Variants in CHD1L observed in about 807,000 individuals in gnomAD.
CHD1L encodes the protein ATP-dependent chromatin remodeler CHD1L.
CHD1L carries 118 observed loss-of-function variants against 115.9 expected under a neutral mutation model. The ratio of observed to expected loss-of-function variants is 1.02; its 90% CI spans 0.88 to 1.19. The LOEUF (loss-of-function observed/expected upper bound fraction) is 1.19. Ranked by LOEUF, CHD1L falls within the 50% of genes most tolerant of loss-of-function variation. The pLI, the probability that CHD1L is intolerant of heterozygous loss-of-function variation, is 0.00. For missense variants in CHD1L, 1,179 were observed against 1,065.3 expected, an observed-to-expected ratio of 1.11 and a Z score of -1.49; for synonymous variants, 411 against 387.1, an observed-to-expected ratio of 1.06 and a Z score of -0.72.
upstream of CHD1L, among the ~76,000 whole-genome samples, chr1:147,242,421 G>A (rs1397277123): frequency 6.6e-6 from 1 of 152,196 alleles, no homozygotes; most frequent in Non-Finnish European, 1.5e-5. Context: ...CTCCTTGACG[G>A]GCAGTTCAGG....
chr1:147,274,952 G>A (rs1322492948), intron 12 of CHD1L, among the ~76,000 whole-genome samples: 1 of 152,172 alleles, frequency 6.6e-6, no homozygotes, highest in Non-Finnish European at 1.5e-5. Flanking sequence ...TCTCTTGACA[G>A]TGCGCACTGC....
the CHD1L span, among the ~76,000 whole-genome samples, chr1:147,187,772 T>G: frequency 6.6e-6 from 1 of 152,114 alleles, no homozygotes; most frequent in Non-Finnish European, 1.5e-5. Flanking sequence ...GCCCTCCAAA[T>G]GGAGACAAAT....
the CHD1L span, among the ~76,000 whole-genome samples, chr1:147,237,075 G>A: frequency 1.3e-5 from 2 of 152,186 alleles, no homozygotes; most frequent in Non-Finnish European, 2.9e-5. Flanking sequence ...CTCCCATGCT[G>A]GCACCCAAAG....
At chr1:147,207,174 A>C in the CHD1L span, among the ~76,000 whole-genome samples, 1 of 152,144 alleles carries the variant, frequency 6.6e-6, no homozygotes, top group African/African-American at 2.4e-5. Flanking sequence ...TACAATATAC[A>C]CTGAAGTATT....
intron 5 of CHD1L, 37 bp downstream of exon 5, chr1:147,256,599 T>G (rs782636498): frequency 6.3e-7 from 1 of 1,585,888 alleles, no homozygotes; most frequent in East Asian, 2.2e-5. Context: ...TTGGGTTGAA[T>G]GTATTATGAA....
chr1:147,248,254 C>T (rs1667261178), intron 1 of CHD1L, among the ~76,000 whole-genome samples: 1 of 151,172 alleles, frequency 6.6e-6, no homozygotes, highest in Non-Finnish European at 1.5e-5. Context: ...GTTGCCCAGG[C>T]TGGAGTGCAA....
At chr1:147,232,362 G>T in the CHD1L span, among the ~76,000 whole-genome samples, 1 of 152,274 alleles carries the variant, frequency 6.6e-6, no homozygotes, top group Non-Finnish European at 1.5e-5. Context: ...AATGTCCTCT[G>T]GAATGTGTGT....
chr1:147,258,066 A>G (rs903387918), intron 5 of CHD1L, among the ~76,000 whole-genome samples: 4 of 152,200 alleles, frequency 2.6e-5, no homozygotes, highest in African/African-American at 9.7e-5. Context: ...GCTGTATTGT[A>G]CATTCTGAGA....
intron 12 of CHD1L, among the ~76,000 whole-genome samples, chr1:147,274,267 G>A (rs1347709168): frequency 6.6e-6 from 1 of 152,164 alleles, no homozygotes; most frequent in Non-Finnish European, 1.5e-5. Context: ...TTAATATAGA[G>A]AGAGTGCTTA....
chr1:147,269,711 C>T (rs1485194710), intron 10 of CHD1L, among the ~76,000 whole-genome samples: 1 of 144,766 alleles, frequency 6.9e-6, no homozygotes, highest in Non-Finnish European at 1.5e-5. Flanking sequence ...TAGTGTTCAA[C>T]AGCCATGTGT....
chr1:147,258,542 C>T (rs1033237886), intron 5 of CHD1L, among the ~76,000 whole-genome samples: 3 of 152,194 alleles, frequency 2.0e-5, no homozygotes, highest in Admixed American at 6.6e-5. Context: ...TAAATGCATC[C>T]TCTGCTCATG....
intron 10 of CHD1L, among the ~76,000 whole-genome samples, chr1:147,269,466 C>G (rs587737572): frequency 5.9e-5 from 9 of 151,918 alleles, no homozygotes; most frequent in African/African-American, 2.2e-4. Flanking sequence ...GTCAAGAGAT[C>G]GAGACCATCT....
At chr1:147,191,057 C>G in the CHD1L span, among the ~76,000 whole-genome samples, 1 of 152,096 alleles carries the variant, frequency 6.6e-6, no homozygotes, top group Non-Finnish European at 1.5e-5. Context: ...TGTATATGTG[C>G]CACATTTTCT....
intron 6 of CHD1L, 31 bp downstream of exon 6, chr1:147,259,949 A>ATAAAAAC (rs782709441): frequency 6.7e-7 from 1 of 1,489,078 alleles, no homozygotes; most frequent in South Asian, 1.2e-5. Flanking sequence ...TAGTTTTTAT[A>ATAAAAAC]TAACCCCTTC....
chr1:147,252,560 A>G, intron 1 of CHD1L, 63 bp from the exon 2 acceptor site: 1 of 1,267,798 alleles, frequency 7.9e-7, no homozygotes. Flanking sequence ...AAACTCTTAG[A>G]ACATTGCCTC....
the CHD1L span, chr1:147,178,745 T>A: frequency 1.3e-6 from 2 of 1,592,602 alleles, no homozygotes; most frequent in South Asian, 2.2e-5. Context: ...CCTTCACATC[T>A]CACTAACAAG....
chr1:147,290,957 A>T (rs1169823758), intron 19 of CHD1L, among the ~76,000 whole-genome samples: 1 of 152,088 alleles, frequency 6.6e-6, no homozygotes, highest in African/African-American at 2.4e-5. Context: ...TCGGCCATAT[A>T]TGTCAGTTTT....
At position 147,264,533 on chromosome 1, in the gene CHD1L, G is replaced by A. The variant is rs1673159802; in HGVS notation, c.688G>A (p.Val230Met). Reference sequence around the variant, plus strand: ...GCCTGATCTCTTTTCCAAGGAAGAGGTGGGAGATTTTATTCAACGCTACCA... The same window carrying A: ...GCCTGATCTCTTTTCCAAGGAAGAGATGGGAGATTTTATTCAACGCTACCA... ...VEPDLFSKEE[V>M]GDFIQRYQDI... Residue 230 changes from valine to methionine, a missense_variant, in exon 7 of 23, where the codon GTG (valine) becomes ATG (methionine). By Grantham distance (21) the Val-to-Met change is conservative. Transcript: ENST00000369258. The A allele has an allele frequency of 3.1e-6, 5 of 1,613,952 alleles. No homozygotes were observed. Among genetic ancestry groups the A allele is most frequent in the Admixed American group, 1.7e-5 (1 of 59,992 alleles).
chr1:147,262,383 C>T (rs1444338234), intron 6 of CHD1L, among the ~76,000 whole-genome samples: 3 of 152,000 alleles, frequency 2.0e-5, no homozygotes, highest in African/African-American at 4.8e-5. Context: ...AAAAAGCTTA[C>T]AAAATACTAT....
Sources: allele counts gnomAD v4.1 joint callset (sites outside exome capture counted in the v4.1 genomes callset), GRCh38; gene constraint gnomAD v4.1.1; transcripts MANE v1.5; gene names NCBI Gene and HGNC (gene_info 2026-07-23, HGNC 2026-07-21).